TMEM232: variants seen among roughly 807,000 people sequenced by gnomAD.
TMEM232 encodes transmembrane protein 232.
TMEM232 carries 80 observed loss-of-function variants against 78.8 expected under a neutral mutation model. That is an observed-to-expected ratio of 1.01 (90% CI 0.85 to 1.22). The LOEUF is 1.22. Ranked by LOEUF, TMEM232 falls within the 50% of genes most tolerant of loss-of-function variation. The probability of loss-of-function intolerance (pLI) is 0.00; values close to 1 mark genes in which losing one functional copy is unlikely to be tolerated. For missense variants in TMEM232, 881 were observed against 742.2 expected (o/e 1.19, Z -2.17); for synonymous variants, 297 against 254.3 (o/e 1.17, Z -1.60).
chr5:110,388,135 C>T (rs1415341029), intron 4 of TMEM232: 1 of 152,168 alleles, frequency 6.6e-6, no homozygotes, highest in Non-Finnish European at 1.5e-5. Flanking sequence ...TGGCAGACCG[C>T]AGCAGATTTT....
At chr5:110,453,236 C>T (rs539043883) in intron 12 of TMEM232, among the ~76,000 whole-genome samples, 1 of 152,276 alleles carries the variant, frequency 6.6e-6, no homozygotes, top group Admixed American at 6.5e-5. Context: ...AGTGAATTCT[C>T]CATTCTGAGA....
chr5:110,619,904 C>T (rs1783416743), intron 7 of TMEM232, among the ~76,000 whole-genome samples: 1 of 151,478 alleles, frequency 6.6e-6, no homozygotes, highest in African/African-American at 2.4e-5. Flanking sequence ...TACCCTAGAA[C>T]TTAAAGCATA....
chr5:110,681,091 G>C (rs1792692197), intron 1 of TMEM232, among the ~76,000 whole-genome samples: 1 of 152,196 alleles, frequency 6.6e-6, no homozygotes, highest in African/African-American at 2.4e-5. Flanking sequence ...CTCCAGCAAA[G>C]AGGTTGAGGA....
intron 12 of TMEM232, among the ~76,000 whole-genome samples, chr5:110,528,334 T>G (rs1770911917): frequency 6.6e-6 from 1 of 151,980 alleles, no homozygotes; most frequent in African/African-American, 2.4e-5. Context: ...CTGTTTTAAG[T>G]TAGTATTTAC....
chr5:110,684,137 C>T (rs1283664426), intron 1 of TMEM232, among the ~76,000 whole-genome samples: 1 of 151,810 alleles, frequency 6.6e-6, no homozygotes, highest in African/African-American at 2.4e-5. Flanking sequence ...GAAGCTTTAT[C>T]TTAAAAGCCA....
At chr5:110,700,271 T>C (rs139567226) in intron 1 of TMEM232, among the ~76,000 whole-genome samples, 3,680 of 152,168 alleles carry the variant, frequency 0.024, 47 homozygotes, top group African/African-American at 0.032. Context: ...TATTTGGGAA[T>C]GAATGAAGAC....
rs1229973285 is a variant in TMEM232 at position 110,528,741 on chromosome 5, C to CA, written c.1549dup (p.Trp517LeufsTer16). On this transcript the variant is annotated frameshift_variant, in exon 12 of 14. Transcript: ENST00000455884. LOFTEE classifies it high-confidence loss of function. ...TTTGGAAAGAGTGTTGGCAATTCTC[C>CA]ACCCAATATATTTGGAGAAAACTTC... 3.3e-6 allele frequency: 5 copies of CA among 1,533,598 alleles called. No homozygotes were observed. The highest frequency in any genetic ancestry group is 2.6e-6 in the Non-Finnish European group (3 of 1,145,782). The allele number at this position is 1,533,598 out of a possible 1,614,324, so 95.0% of individuals were successfully genotyped here.
chr5:110,562,485 A>G (rs1775865805), intron 11 of TMEM232, among the ~76,000 whole-genome samples: 2 of 152,132 alleles, frequency 1.3e-5, no homozygotes, highest in Non-Finnish European at 2.9e-5. Flanking sequence ...TGAAGAGAAC[A>G]ATAATACATT....
chr5:110,649,939 C>T (rs1316609324), intron 2 of TMEM232, among the ~76,000 whole-genome samples: 1 of 151,982 alleles, frequency 6.6e-6, no homozygotes, highest in Non-Finnish European at 1.5e-5. Flanking sequence ...GTTTATTATG[C>T]CTTAATTTCT....
At chr5:110,467,120 A>C (rs1483503194) in intron 12 of TMEM232, among the ~76,000 whole-genome samples, 1 of 152,334 alleles carries the variant, frequency 6.6e-6, no homozygotes, top group East Asian at 1.9e-4. Context: ...CAATATGTCT[A>C]CCAATAAAGT....
chr5:110,730,098 C>T (rs1356927173), upstream of TMEM232, among the ~76,000 whole-genome samples: 2 of 152,148 alleles, frequency 1.3e-5, no homozygotes, highest in African/African-American at 4.8e-5. Context: ...GTAAGTTACA[C>T]AATTTAAAAT....
chr5:110,483,102 A>G (rs914764599), intron 12 of TMEM232, among the ~76,000 whole-genome samples: 1 of 152,166 alleles, frequency 6.6e-6, no homozygotes, highest in Non-Finnish European at 1.5e-5. Context: ...AGCAGTAATT[A>G]TAAATCTATG....
intron 5 of TMEM232, among the ~76,000 whole-genome samples, chr5:110,628,588 TTAAC>T (rs1784710058): frequency 6.6e-6 from 1 of 151,604 alleles, no homozygotes. Context: ...AAAAAACACA[TTAAC>T]TATAGAAATG....
chr5:110,537,865 T>C (rs979223927), intron 11 of TMEM232, among the ~76,000 whole-genome samples: 1 of 152,222 alleles, frequency 6.6e-6, no homozygotes, highest in African/African-American at 2.4e-5. Flanking sequence ...CGTTGCTCTC[T>C]CATGGAGAGA....
chr5:110,673,990 G>A (rs1210014674), intron 1 of TMEM232, among the ~76,000 whole-genome samples: 63 of 127,670 alleles, frequency 4.9e-4, no homozygotes, highest in Admixed American at 9.8e-4. Flanking sequence ...GAGGTAACAT[G>A]AAAAAAAAAA....
chr5:110,664,074 AG>A (rs1790209945), intron 2 of TMEM232, among the ~76,000 whole-genome samples: 2 of 152,104 alleles, frequency 1.3e-5, no homozygotes, highest in Non-Finnish European at 2.9e-5. Flanking sequence ...CAGGAATTCG[AG>A]GCTGCAGTGA....
intron 12 of TMEM232, among the ~76,000 whole-genome samples, chr5:110,493,559 G>A (rs200215417): frequency 1.2e-3 from 185 of 152,116 alleles, no homozygotes; most frequent in African/African-American, 4.3e-3. Flanking sequence ...CAATATATAT[G>A]GCATTGGCTG....
chr5:110,639,573 C>G (rs899297170), intron 4 of TMEM232, among the ~76,000 whole-genome samples: 1 of 152,054 alleles, frequency 6.6e-6, no homozygotes, highest in South Asian at 2.1e-4. Flanking sequence ...GCAAACTAGA[C>G]AGGAACAAGG....
rs116337602 is a variant in TMEM232, at chr5:110,540,594, G to T, written c.1456-11759C>A. On this transcript the variant is annotated intron_variant, in intron 11 of 13. Transcript: ENST00000455884. ...AAAAGACCAACTTCTCCCAGATTCT[G>T]AGGATAACTGGTTTACAGACGGCAG... Among the ~76,000 whole-genome samples, 634 of 152,290 alleles carry T rather than the reference G, an allele frequency of 4.2e-3. 2 individuals are homozygous for T. The highest frequency in any genetic ancestry group is 0.015 in the African/African-American group (613 of 41,566).
Sources: allele counts gnomAD v4.1 joint callset (sites outside exome capture counted in the v4.1 genomes callset), GRCh38; gene constraint gnomAD v4.1.1; transcripts MANE v1.5; gene names NCBI Gene and HGNC (gene_info 2026-07-23, HGNC 2026-07-21).